The following SERF2 variants were observed in gnomAD, a reference collection of about 807,000 sequenced individuals.
The protein encoded by SERF2 is gastric cancer-related protein VRG107.
SERF2 carries 4 observed loss-of-function variants against 10.7 expected under a neutral mutation model. The observed-to-expected ratio is 0.37, with a 90% CI of 0.18 to 0.86. The LOEUF (loss-of-function observed/expected upper bound fraction) is 0.86. Among genes scored for constraint, SERF2 ranks in the 40% least tolerant of loss-of-function variants. The pLI is 0.43. For synonymous variants in SERF2, 26 were observed against 26.0 expected, an observed-to-expected ratio of 1.00 and a Z score of 0.01; for missense variants, 47 against 79.1, an observed-to-expected ratio of 0.59 and a Z score of 1.54.
At position 43,794,182 on chromosome 15, in the gene SERF2, A is replaced by C. The variant is rs190348367; in HGVS notation, c.*409A>C. 1.8e-4 allele frequency: 97 copies of C among 545,370 alleles called. No homozygotes were observed. The highest frequency in any genetic ancestry group is 1.3e-3 in the African/African-American group (71 of 52,914). 33.8% of individuals were successfully genotyped at this position (545,370 alleles called of 1,614,324 possible). ...CTTAATAAGTGAAACATCACAGAAG[A>C]AGCCTTTATTATACAATGACAACCA... On this transcript the variant is annotated 3_prime_UTR_variant, in exon 3 of 3. Coordinates refer to ENST00000249786, the MANE Select transcript of SERF2 (RefSeq NM_001018108.4).
upstream of SERF2, chr15:43,792,235 G>A (rs1372473397): frequency 4.0e-6 from 3 of 757,738 alleles, no homozygotes; most frequent in African/African-American, 1.7e-5. Flanking sequence ...GCTTTTTCTT[G>A]TCCAATGGGA....
upstream of SERF2, among the ~76,000 whole-genome samples, chr15:43,789,849 A>C (rs1160954302): frequency 6.6e-6 from 1 of 151,980 alleles, no homozygotes; most frequent in Non-Finnish European, 1.5e-5. Flanking sequence ...CTCTACTAAA[A>C]AAAAATACAG....
Position 43,795,280 on chromosome 15 carries a change from T to C in SERF2, c.*1507T>C, listed in dbSNP as rs2087181665. On this transcript the variant is annotated 3_prime_UTR_variant, in exon 3 of 3. Transcript: ENST00000249786. Reference sequence around the variant, plus strand: ...TAGCTTTTAGACCTGTTCTACCTCCTCACCAAATATAATGGCAGACCCATG... The same window carrying C: ...TAGCTTTTAGACCTGTTCTACCTCCCCACCAAATATAATGGCAGACCCATG... The C allele has an allele frequency of 6.3e-7, 1 of 1,591,356 alleles. No homozygotes were observed. The highest frequency in any genetic ancestry group is 1.3e-5 in the African/African-American group (1 of 74,366).
At chr15:43,778,975 A>C (rs992250128) in intron 1 of SERF2, among the ~76,000 whole-genome samples, 6 of 152,158 alleles carry the variant, frequency 3.9e-5, no homozygotes, top group Non-Finnish European at 7.3e-5. Flanking sequence ...GATCAAGAAA[A>C]AGTTTTAAGA....
In SERF2 at chr15:43,794,984, A is replaced by C. The variant is rs770220121; in HGVS notation, c.*1211A>C. ...AGGAGTACAATGTCAGGGGAACCCC[A>C]GTTTGTGAAAAGGACTTAGACTGGA... On this transcript the variant is annotated 3_prime_UTR_variant, in exon 3 of 3. Coordinates refer to ENST00000249786, the MANE Select transcript of SERF2 (RefSeq NM_001018108.4). 4.4e-6 allele frequency: 7 copies of C among 1,591,724 alleles called. No individual in the cohort carries two copies. The East Asian group carries it at 9.0e-5, about 20-fold the overall frequency.
At chr15:43,787,794 G>A (rs1047982155), upstream of SERF2, among the ~76,000 whole-genome samples, 2 of 151,500 alleles carry the variant, frequency 1.3e-5, no homozygotes, top group African/African-American at 4.9e-5. Context: ...AACCTCCTGA[G>A]CTCAAGCCAT....
intron 1 of SERF2, among the ~76,000 whole-genome samples, chr15:43,778,895 A>G (rs1205002627): frequency 6.6e-6 from 1 of 152,186 alleles, no homozygotes; most frequent in African/African-American, 2.4e-5. Context: ...GTGAGACTCC[A>G]TCTCAAAAAG....
At chr15:43,780,307 T>C (rs1291935456) in intron 1 of SERF2, among the ~76,000 whole-genome samples, 1 of 144,306 alleles carries the variant, frequency 6.9e-6, no homozygotes, top group Non-Finnish European at 1.5e-5. Flanking sequence ...GCCCGGCTAA[T>C]TTTTTGTATT....
chr15:43,782,815 T>A, intron 1 of SERF2, among the ~76,000 whole-genome samples: 1 of 152,122 alleles, frequency 6.6e-6, no homozygotes, highest in East Asian at 1.9e-4. Flanking sequence ...CCTTTGAGAC[T>A]TTGCATACCT....
intron 1 of SERF2, among the ~76,000 whole-genome samples, chr15:43,780,432 G>A (rs760534571): frequency 6.6e-5 from 10 of 152,294 alleles, no homozygotes; most frequent in African/African-American, 1.4e-4. Flanking sequence ...GTCAGCCACC[G>A]CGCCCTGCGA....
At chr15:43,789,012 A>G (rs549938600), upstream of SERF2, among the ~76,000 whole-genome samples, 2 of 151,782 alleles carry the variant, frequency 1.3e-5, no homozygotes, top group African/African-American at 2.4e-5. Context: ...AGCCGGGCGT[A>G]GTGGCGGGCG....
chr15:43,783,893 C>T (rs2141669590), intron 1 of SERF2, among the ~76,000 whole-genome samples: 1 of 144,032 alleles, frequency 6.9e-6, no homozygotes, highest in Non-Finnish European at 1.5e-5. Flanking sequence ...TCTGGAGTAG[C>T]TGGGACTACA....
Position 43,795,515 on chromosome 15 carries a change from C to A in SERF2, c.*1742C>A, listed in dbSNP as rs1214845281. 6.2e-7 allele frequency: 1 copy of A among 1,614,192 alleles called. No homozygotes were observed. The highest frequency in any genetic ancestry group is 2.2e-5 in the East Asian group (1 of 44,884). ...GGAGCTGGAGGGGTTTCTTGGTCAGCTGGCCTCGCAGCCCCACCCCTTTGC... is the reference window on the plus strand; with the variant it reads ...GGAGCTGGAGGGGTTTCTTGGTCAGATGGCCTCGCAGCCCCACCCCTTTGC... On this transcript the variant is annotated 3_prime_UTR_variant, in exon 3 of 3. Coordinates refer to ENST00000249786, the MANE Select transcript of SERF2 (RefSeq NM_001018108.4).
chr15:43,795,431 G>C lies in SERF2; in HGVS notation c.*1658G>C, dbSNP rs924844763. On this transcript the variant is annotated 3_prime_UTR_variant, in exon 3 of 3. Transcript: ENST00000249786. ...GTAACCATGACATAGAGTGAGGCAA[G>C]GAAGAAGACGAAGTGGAAGGCAGAA... 2.5e-6 allele frequency: 4 copies of C among 1,614,184 alleles called. No individual in the cohort carries two copies. The highest frequency in any genetic ancestry group is 3.4e-6 in the Non-Finnish European group (4 of 1,180,030).
chr15:43,780,982 A>C (rs1285210537), intron 1 of SERF2, among the ~76,000 whole-genome samples: 2 of 151,928 alleles, frequency 1.3e-5, no homozygotes, highest in Non-Finnish European at 2.9e-5. Context: ...CTACCTTTTC[A>C]CTTAAAGGAA....
chr15:43,790,453 G>T (rs1596037337), upstream of SERF2, among the ~76,000 whole-genome samples: 3 of 152,074 alleles, frequency 2.0e-5, no homozygotes, highest in South Asian at 6.2e-4. Context: ...ATAGGAATAT[G>T]CTGTGCTCAT....
At chr15:43,792,083 AACCTG>A, upstream of SERF2, 1 of 433,552 alleles carries the variant, frequency 2.3e-6, no homozygotes, top group Non-Finnish European at 4.3e-6. Context: ...CTCCACCCCC[AACCTG>A]CCCACGTGAC....
intron 1 of SERF2, among the ~76,000 whole-genome samples, chr15:43,781,799 C>T (rs2086967068): frequency 6.6e-6 from 1 of 151,640 alleles, no homozygotes. Context: ...CCAGGCTGGT[C>T]TCGAACTCCT....
chr15:43,788,289 C>G (rs2087024323), upstream of SERF2, among the ~76,000 whole-genome samples: 1 of 152,134 alleles, frequency 6.6e-6, no homozygotes, highest in African/African-American at 2.4e-5. Context: ...AGATTACAGG[C>G]ATGAGCCACC....
Sources: allele counts gnomAD v4.1 joint callset (sites outside exome capture counted in the v4.1 genomes callset), GRCh38; gene constraint gnomAD v4.1.1; transcripts MANE v1.5; gene names NCBI Gene and HGNC (gene_info 2026-07-23, HGNC 2026-07-21).